Variants in TRIP12 observed in about 807,000 individuals in gnomAD.
The protein encoded by TRIP12 is thyroid hormone receptor interactor 12.
A neutral mutation model predicts 244.2 loss-of-function variants in TRIP12; 25 were observed. The ratio of observed to expected loss-of-function variants is 0.10; its 90% CI spans 0.07 to 0.14. The LOEUF is 0.14. Ranked by LOEUF, TRIP12 falls within the 10% of genes least tolerant of loss-of-function variation. The pLI is 1.00. For missense variants in TRIP12, 1,677 were observed against 2,486.4 expected (o/e 0.67, Z 6.92); for synonymous variants, 905 against 873.1 (o/e 1.04, Z -0.64).
intron 9 of TRIP12, among the ~76,000 whole-genome samples, chr2:229,815,758 T>A (rs2048347875): frequency 6.6e-6 from 1 of 152,058 alleles, no homozygotes; most frequent in African/African-American, 2.4e-5. Context: ...GTGAACAAGC[T>A]TCTCTAAAAC....
At chr2:229,784,057 CTGAGATT>C (rs2039204062) in intron 34 of TRIP12, among the ~76,000 whole-genome samples, 1 of 147,286 alleles carries the variant, frequency 6.8e-6, no homozygotes, top group Admixed American at 6.9e-5. Flanking sequence ...TTGCAGTGAG[CTGAGATT>C]GTGCCATTGC....
chr2:229,824,498 T>G (rs1012567917), intron 8 of TRIP12, among the ~76,000 whole-genome samples: 10 of 152,008 alleles, frequency 6.6e-5, no homozygotes, highest in Non-Finnish European at 1.0e-4. Flanking sequence ...TACATTTCAC[T>G]GAAGCCTTGC....
At chr2:229,799,111 AT>A (rs1232597595) in intron 22 of TRIP12, 62 bp from the exon 23 acceptor site, 61 of 1,585,992 alleles carry the variant, frequency 3.8e-5, no homozygotes, top group Non-Finnish European at 6.0e-6. Flanking sequence ...AAAACAACTG[AT>A]TTTTAAGATT....
upstream of TRIP12, among the ~76,000 whole-genome samples, chr2:229,922,765 T>C (rs979837423): frequency 1.3e-5 from 2 of 152,268 alleles, no homozygotes; most frequent in East Asian, 3.9e-4. Context: ...CACCTCGGCC[T>C]CCTCGGTCCG....
At chr2:229,803,420 A>T in intron 20 of TRIP12, 151 bp downstream of exon 20, 1 of 501,042 alleles carries the variant, frequency 2.0e-6, no homozygotes. Flanking sequence ...AGCCTAAAAG[A>T]CACATTCTAC....
chr2:229,863,937 G>A (rs1464557418), intron 2 of TRIP12, among the ~76,000 whole-genome samples: 1 of 150,596 alleles, frequency 6.6e-6, no homozygotes, highest in Non-Finnish European at 1.5e-5. Context: ...TAAAATGCAT[G>A]ACAAACTCTT....
chr2:229,838,481 G>A lies in TRIP12; in HGVS notation c.1134-1497C>T, dbSNP rs561334468. On this transcript the variant is annotated intron_variant, in intron 5 of 41. Coordinates refer to ENST00000675903, the MANE Select transcript of TRIP12 (RefSeq NM_001348323.3). ...CTTCAAGCAGGTGGCTAGATTAGAC[G>A]GCCTGCGCACAGCATGATCATGCCT... Among the ~76,000 whole-genome samples, 9 of 152,272 alleles carry A rather than the reference G, an allele frequency of 5.9e-5. No homozygotes were observed. The East Asian group carries it at 1.4e-3, about 23-fold the overall frequency.
chr2:229,882,518 G>C (rs76832447), intron 1 of TRIP12, among the ~76,000 whole-genome samples: 1,741 of 152,160 alleles, frequency 0.011, 14 homozygotes, highest in Non-Finnish European at 0.016. Flanking sequence ...GATACACCAA[G>C]AAGTTCAGCA....
intron 17 of TRIP12, 134 bp downstream of exon 17, chr2:229,807,574 G>A (rs1264760965): frequency 8.7e-7 from 1 of 1,154,138 alleles, no homozygotes; most frequent in Non-Finnish European, 1.3e-6. Context: ...TTGTTCTCAG[G>A]AGACAAAATG....
chr2:229,900,320 T>C (rs750675174), intron 1 of TRIP12, among the ~76,000 whole-genome samples: 1 of 152,230 alleles, frequency 6.6e-6, no homozygotes, highest in African/African-American at 2.4e-5. Context: ...CTATCTAACC[T>C]GCTTGAAGTG....
chr2:229,773,080 C>T (rs1450001587), intron 38 of TRIP12, among the ~76,000 whole-genome samples: 2 of 145,748 alleles, frequency 1.4e-5, no homozygotes, highest in African/African-American at 5.1e-5. Context: ...TATATACATG[C>T]TTTTTTTTTT....
At chr2:229,797,554 C>A in intron 24 of TRIP12, 136 bp downstream of exon 24, 1 of 987,090 alleles carries the variant, frequency 1.0e-6, no homozygotes, top group South Asian at 2.1e-5. Flanking sequence ...ATGCCAGCAC[C>A]AAGGGTGTAT....
At chr2:229,808,545 T>G (rs2046445965) in intron 15 of TRIP12, among the ~76,000 whole-genome samples, 176 bp from the exon 16 acceptor site, 1 of 152,124 alleles carries the variant, frequency 6.6e-6, no homozygotes, top group South Asian at 2.1e-4. Flanking sequence ...TAAAAAAAAT[T>G]TGTGTAGATT....
chr2:229,922,285 C>G, upstream of TRIP12: 1 of 557,372 alleles, frequency 1.8e-6, no homozygotes, highest in South Asian at 2.2e-5. Flanking sequence ...CCCCTCCCCT[C>G]CGTGGTAGCA....
At chr2:229,786,396 C>CT (rs34138414) in intron 33 of TRIP12, among the ~76,000 whole-genome samples, 70,417 of 126,256 alleles carry the variant, frequency 0.56, 20,497 homozygotes, top group East Asian at 0.74. Flanking sequence ...AATAGGATGA[C>CT]TTTTTTTTTT....
rs943511826 is a variant in TRIP12, at chr2:229,765,809, A to C, written c.*1745T>G. The C allele has an allele frequency of 1.3e-5, 2 of 152,176 alleles. No homozygotes were observed. Among genetic ancestry groups the C allele is most frequent in the African/African-American group, 4.8e-5 (2 of 41,450 alleles). The allele number at this position is 152,176 out of a possible 1,614,324, so 9.4% of individuals were successfully genotyped here. ...TAGTGGTGAAAACTGCAGAAACACA[A>C]TTCCCTTCTTGGATTTCAGGGAAAA... is the stretch of plus-strand genomic sequence containing the variant. On this transcript the variant is annotated 3_prime_UTR_variant, in exon 42 of 42. Coordinates refer to ENST00000675903, the MANE Select transcript of TRIP12 (RefSeq NM_001348323.3).
At chr2:229,919,693 GC>G (rs1475009345) in intron 1 of TRIP12, among the ~76,000 whole-genome samples, 1 of 151,968 alleles carries the variant, frequency 6.6e-6, no homozygotes, top group Admixed American at 6.6e-5. Context: ...CTTAAAAACT[GC>G]TCACACTCCA....
chr2:229,813,789 A>AAAT, intron 13 of TRIP12, 81 bp downstream of exon 13: 1 of 1,046,894 alleles, frequency 9.6e-7, no homozygotes, highest in Non-Finnish European at 1.2e-6. Flanking sequence ...CATCTCAAAA[A>AAAT]AATAAAATAA....
chr2:229,892,235 G>T (rs986694235), intron 1 of TRIP12, among the ~76,000 whole-genome samples: 1 of 152,138 alleles, frequency 6.6e-6, no homozygotes, highest in African/African-American at 2.4e-5. Flanking sequence ...AAGCTACTTT[G>T]GGTTGAATCA....
Sources: gnomAD v4.1 joint callset for allele counts (sites outside exome capture counted in the v4.1 genomes callset) on GRCh38, gnomAD v4.1.1 for gene constraint, MANE v1.5 for transcripts, NCBI Gene and HGNC (gene_info 2026-07-23, HGNC 2026-07-21) for gene names.